Variants in ATL2 observed in about 807,000 individuals in gnomAD.
The protein encoded by ATL2 is atlastin-2.
ATL2 carries 31 observed loss-of-function variants against 73.9 expected under a neutral mutation model. The ratio of observed to expected loss-of-function variants is 0.42; its 90% confidence interval spans 0.32 to 0.57. ATL2 has a LOEUF of 0.57. Among genes scored for constraint, ATL2 ranks in the 20% least tolerant of loss-of-function variants. The probability of loss-of-function intolerance (pLI) is 0.14; values close to 1 mark genes in which losing one functional copy is unlikely to be tolerated. For synonymous variants in ATL2, 291 were observed against 237.5 expected (o/e 1.23, Z -2.07); for missense variants, 738 against 702.6 (o/e 1.05, Z -0.57).
chr2:38,343,149 T>TTAAA lies in ATL2; in HGVS notation c.363+118_363+119insTTTA, dbSNP rs1553338189. 10 of 364,570 alleles carry TTAAA rather than the reference T, an allele frequency of 2.7e-5. No homozygotes were observed. In the Admixed American group the frequency reaches 7.3e-4, roughly 27 times the overall value. 22.6% of individuals were successfully genotyped at this position (364,570 alleles called of 1,614,324 possible). A position where few individuals can be genotyped will look rare whatever the true frequency, so the allele number is the denominator to read the frequency against. ...GGTAACAGAGTGAGACCACTTAAAT[T>TTAAA]AAAAAAAAAAAAAAAAAAAAAAAAA... is the stretch of plus-strand genomic sequence containing the variant. On this transcript the variant is annotated intron_variant, in intron 2 of 12. Coordinates refer to ENST00000378954, the MANE Select transcript of ATL2 (RefSeq NM_001135673.4).
intron 4 of ATL2, 69 bp downstream of exon 4, chr2:38,318,466 C>CA (rs1668144402): frequency 4.0e-6 from 5 of 1,250,834 alleles, no homozygotes; most frequent in Non-Finnish European, 5.5e-6. Context: ...AACTCTGTCT[C>CA]AAAAAAGAAA....
At chr2:38,300,369 A>T in intron 9 of ATL2, 41 bp from the exon 10 acceptor site, 1 of 1,428,666 alleles carries the variant, frequency 7.0e-7, no homozygotes, top group East Asian at 2.3e-5. Flanking sequence ...GGATTATGCA[A>T]TTTGGCTCCA....
chr2:38,303,436 C>A (rs971124871), intron 9 of ATL2, among the ~76,000 whole-genome samples: 1 of 151,996 alleles, frequency 6.6e-6, no homozygotes, highest in African/African-American at 2.4e-5. Context: ...AAGTGATCTG[C>A]CCACCTCAGC....
chr2:38,347,683 C>T (rs1271185316), intron 1 of ATL2, among the ~76,000 whole-genome samples: 1 of 152,070 alleles, frequency 6.6e-6, no homozygotes, highest in Non-Finnish European at 1.5e-5. Context: ...GTGCCTGACA[C>T]CTAGCCTAGC....
chr2:38,320,990 A>G (rs1406954216), intron 2 of ATL2, among the ~76,000 whole-genome samples: 1 of 150,746 alleles, frequency 6.6e-6, no homozygotes, highest in African/African-American at 2.4e-5. Flanking sequence ...AAAATGACAA[A>G]AAAAAAAAAA....
Position 38,296,274 on chromosome 2 carries a change from G to C in ATL2, c.1633-161C>G. The C allele has an allele frequency of 2.1e-6, 3 of 1,437,312 alleles. No individual in the cohort carries two copies. The East Asian group carries it at 7.5e-5, about 36-fold the overall frequency. The allele number at this position is 1,437,312 out of a possible 1,614,324, so 89.0% of individuals were successfully genotyped here. A position where few individuals can be genotyped will look rare whatever the true frequency, so the allele number is the denominator to read the frequency against. ...CTCAAAAAAACTTATGATGCTACTA[G>C]ACATTTTATAATGCAACAAAAATTA... On this transcript the variant is annotated intron_variant, in intron 12 of 12. Coordinates refer to ENST00000378954, the MANE Select transcript of ATL2 (RefSeq NM_001135673.4).
intron 2 of ATL2, among the ~76,000 whole-genome samples, chr2:38,319,833 T>G (rs531404811): frequency 1.3e-5 from 2 of 151,974 alleles, no homozygotes; most frequent in Non-Finnish European, 2.9e-5. Flanking sequence ...TTAGGCTGGG[T>G]GCAGTGGCTC....
At chr2:38,354,924 C>T (rs979708934) in intron 1 of ATL2, among the ~76,000 whole-genome samples, 2 of 151,620 alleles carry the variant, frequency 1.3e-5, no homozygotes, top group African/African-American at 2.4e-5. Flanking sequence ...AATAAGAAAC[C>T]AAAATAAAAT....
chr2:38,359,002 A>G (rs1358000408), intron 1 of ATL2, among the ~76,000 whole-genome samples: 1 of 152,192 alleles, frequency 6.6e-6, no homozygotes, highest in African/African-American at 2.4e-5. Flanking sequence ...AAGAACTTAT[A>G]AACTCATATT....
chr2:38,348,265 A>G (rs991826509), intron 1 of ATL2, among the ~76,000 whole-genome samples: 4 of 151,870 alleles, frequency 2.6e-5, no homozygotes, highest in Admixed American at 2.6e-4. Flanking sequence ...TCAGGAGTTT[A>G]AGGCCAGCCT....
At chr2:38,325,278 G>C (rs1046459270) in intron 2 of ATL2, among the ~76,000 whole-genome samples, 12 of 152,104 alleles carry the variant, frequency 7.9e-5, no homozygotes, top group African/African-American at 2.9e-4. Flanking sequence ...AAAGAATTGA[G>C]ATCACAGGTC....
chr2:38,308,903 T>C (rs1039592465), intron 9 of ATL2, among the ~76,000 whole-genome samples: 3 of 151,764 alleles, frequency 2.0e-5, no homozygotes, highest in African/African-American at 7.3e-5. Flanking sequence ...GGTCTTGTTC[T>C]GGCAGGCAAG....
intron 7 of ATL2, among the ~76,000 whole-genome samples, chr2:38,310,650 T>C (rs987737052): frequency 1.3e-5 from 2 of 149,920 alleles, no homozygotes; most frequent in Non-Finnish European, 3.0e-5. Flanking sequence ...TTTTTTTTTT[T>C]TTTAAAGACA....
Position 38,295,876 on chromosome 2 carries a change from C to G in ATL2, c.*118G>C. 2.4e-6 allele frequency: 2 copies of G among 828,332 alleles called. No individual in the cohort carries two copies. Among genetic ancestry groups the G allele is most frequent in the Non-Finnish European group, 3.7e-6 (2 of 547,274 alleles). 51.3% of individuals were successfully genotyped at this position (828,332 alleles called of 1,614,324 possible). A position where few individuals can be genotyped will look rare whatever the true frequency, so the allele number is the denominator to read the frequency against. Reference sequence around the variant, plus strand: ...ACTCTGTGGCAGCCATCTGTGAAGCCAGTTACACTAAACTACTTCTACAGT... The same window carrying G: ...ACTCTGTGGCAGCCATCTGTGAAGCGAGTTACACTAAACTACTTCTACAGT... On this transcript the variant is annotated 3_prime_UTR_variant, in exon 13 of 13. Transcript: ENST00000378954.
chr2:38,330,609 G>C (rs1355786811), intron 2 of ATL2, among the ~76,000 whole-genome samples: 1 of 152,098 alleles, frequency 6.6e-6, no homozygotes, highest in Non-Finnish European at 1.5e-5. Flanking sequence ...CTATACACTT[G>C]CATGAACAAT....
At chr2:38,370,949 C>G (rs1330873237) in intron 1 of ATL2, among the ~76,000 whole-genome samples, 2 of 151,232 alleles carry the variant, frequency 1.3e-5, no homozygotes, top group African/African-American at 2.4e-5. Context: ...CAAGGCTAGC[C>G]CCTATCTCGG....
intron 1 of ATL2, among the ~76,000 whole-genome samples, chr2:38,351,659 A>G (rs1387875872): frequency 6.6e-6 from 1 of 151,856 alleles, no homozygotes; most frequent in Admixed American, 6.6e-5. Context: ...ACGCCTGGCT[A>G]ATTCTTTTGT....
chr2:38,340,816 G>C (rs1221768158), intron 2 of ATL2, among the ~76,000 whole-genome samples: 3 of 152,124 alleles, frequency 2.0e-5, no homozygotes, highest in Admixed American at 1.3e-4. Flanking sequence ...GACAGAATAA[G>C]GTGATTTATA....
chr2:38,316,313 AC>A (rs1227961114), intron 4 of ATL2, among the ~76,000 whole-genome samples: 1 of 152,120 alleles, frequency 6.6e-6, no homozygotes, highest in Non-Finnish European at 1.5e-5. Context: ...TTTAACATAA[AC>A]CCTGACACCA....
Sources: allele counts gnomAD v4.1 joint callset (sites outside exome capture counted in the v4.1 genomes callset), GRCh38; gene constraint gnomAD v4.1.1; transcripts MANE v1.5; gene names NCBI Gene and HGNC (gene_info 2026-07-23, HGNC 2026-07-21).